RSBN1L: variants seen among roughly 807,000 people sequenced by gnomAD.
RSBN1L encodes lysine-specific demethylase RSBN1L.
In RSBN1L, 30 loss-of-function variants were observed where a neutral mutation model predicts 67.7. The ratio of observed to expected loss-of-function variants is 0.44; its 90% CI spans 0.33 to 0.60. The LOEUF is 0.60. RSBN1L is among the 20% of genes least tolerant of loss of function. The pLI, the probability that RSBN1L is intolerant of heterozygous loss-of-function variation, is 0.02. For synonymous variants in RSBN1L, 433 were observed against 387.0 expected (o/e 1.12, Z -1.39); for missense variants, 992 against 1,031.7 (o/e 0.96, Z 0.53).
At chr7:77,777,594 T>C (rs1266690667) in intron 6 of RSBN1L, among the ~76,000 whole-genome samples, 1 of 152,064 alleles carries the variant, frequency 6.6e-6, no homozygotes, top group Non-Finnish European at 1.5e-5. Context: ...CTATGGTCAG[T>C]CTTATCCTTC....
In RSBN1L at chr7:77,782,492, A is replaced by T. The variant is rs1792012102; in HGVS notation, c.*3324A>T. 6.6e-6 allele frequency: 1 copy of T among 152,222 alleles called. No homozygotes were observed. The highest frequency in any genetic ancestry group is 1.5e-5 in the Non-Finnish European group (1 of 68,038). 9.4% of individuals were successfully genotyped at this position (152,222 alleles called of 1,614,324 possible). ...CTCAGGATAGCTGGTTAGCTAGCAA[A>T]AGAATTAACATTTGTGATATTTACT... On this transcript the variant is annotated 3_prime_UTR_variant, in exon 8 of 8. Transcript: ENST00000334955.
At chr7:77,742,076 T>C (rs1321326412) in intron 2 of RSBN1L, among the ~76,000 whole-genome samples, 3 of 151,384 alleles carry the variant, frequency 2.0e-5, no homozygotes, top group Non-Finnish European at 2.9e-5. Context: ...ACAGCTCTTA[T>C]CCCAGCATTT....
At chr7:77,703,789 A>G (rs1175616816) in intron 1 of RSBN1L, among the ~76,000 whole-genome samples, 3 of 151,524 alleles carry the variant, frequency 2.0e-5, no homozygotes, top group African/African-American at 7.3e-5. Flanking sequence ...CGCTCGGCCT[A>G]TTTGGGTATA....
intron 1 of RSBN1L, among the ~76,000 whole-genome samples, chr7:77,702,271 T>C (rs1029078134): frequency 1.3e-5 from 2 of 152,348 alleles, no homozygotes; most frequent in South Asian, 4.1e-4. Flanking sequence ...TGGAAAAGTT[T>C]AAGCCTTTAA....
Position 77,696,631 on chromosome 7 carries a change from G to A in RSBN1L, c.162G>A (p.Arg54=). 1 of 1,614,016 alleles carries A rather than the reference G, an allele frequency of 6.2e-7. No homozygotes were observed. The highest frequency in any genetic ancestry group is 1.1e-5 in the South Asian group (1 of 91,090). The change falls in exon 1 of 8, where the codon CGG becomes CGA. Residue 54 remains arginine, a synonymous_variant. Coordinates refer to ENST00000334955, the MANE Select transcript of RSBN1L (RefSeq NM_198467.3). ...GGACTGAGGAGAAGAAGGCACCGCG[G>A]AGAGTGAACGGAGAAGGGGGCAGCG... ...KVRTEEKKAP[R]RVNGEGGSGG...
At chr7:77,767,056 C>T (rs1230752601) in intron 4 of RSBN1L, among the ~76,000 whole-genome samples, 1 of 143,054 alleles carries the variant, frequency 7.0e-6, no homozygotes, top group Non-Finnish European at 1.5e-5. Flanking sequence ...TCCCCTTCCC[C>T]TTCCCTTTCC....
intron 1 of RSBN1L, 72 bp downstream of exon 1, chr7:77,697,127 CG>C (rs1477986010): frequency 1.6e-6 from 2 of 1,283,702 alleles, no homozygotes; most frequent in Non-Finnish European, 2.0e-6. Flanking sequence ...CCACGGGGCC[CG>C]GGAAGGGGGA....
chr7:77,730,354 C>T (rs995191339), intron 1 of RSBN1L, among the ~76,000 whole-genome samples: 1 of 152,186 alleles, frequency 6.6e-6, no homozygotes, highest in Non-Finnish European at 1.5e-5. Flanking sequence ...TTAACATCCC[C>T]TATCAGAGTG....
At chr7:77,712,356 C>T (rs1034506274) in intron 1 of RSBN1L, among the ~76,000 whole-genome samples, 3 of 151,310 alleles carry the variant, frequency 2.0e-5, no homozygotes, top group Non-Finnish European at 4.4e-5. Flanking sequence ...AGTCTCGGCT[C>T]ACTGCAACCT....
chr7:77,698,538 A>G (rs1310324909), intron 1 of RSBN1L, among the ~76,000 whole-genome samples: 4 of 152,374 alleles, frequency 2.6e-5, no homozygotes, highest in African/African-American at 9.6e-5. Context: ...ATATTTGAGA[A>G]GAAATAAGTA....
chr7:77,744,344 G>A (rs114314087), intron 2 of RSBN1L, among the ~76,000 whole-genome samples: 2,973 of 147,972 alleles, frequency 0.02, 36 homozygotes, highest in African/African-American at 0.028. Flanking sequence ...CCTACTGTTT[G>A]ACTTTTTTTT....
chr7:77,750,912 G>C (rs1791548702), intron 3 of RSBN1L, among the ~76,000 whole-genome samples: 1 of 152,224 alleles, frequency 6.6e-6, no homozygotes, highest in African/African-American at 2.4e-5. Flanking sequence ...AGAGAGAGGA[G>C]TAAGGTATTG....
Position 77,781,895 on chromosome 7 carries a change from G to T in RSBN1L, c.*2727G>T, listed in dbSNP as rs1278000895. 1 of 145,602 alleles carries T rather than the reference G, an allele frequency of 6.9e-6. No homozygotes were observed. Among genetic ancestry groups the T allele is most frequent in the Non-Finnish European group, 1.5e-5 (1 of 67,298 alleles). The allele number at this position is 145,602 out of a possible 1,614,324, so 9.0% of individuals were successfully genotyped here. ...AGCTACTTGGGAGGCTGAGGCAGGG[G>T]AATTGCTTGAACCCGGGAGGAGAAG... On this transcript the variant is annotated 3_prime_UTR_variant, in exon 8 of 8. Transcript: ENST00000334955.
Position 77,779,031 on chromosome 7 carries a change from A to G in RSBN1L, c.2404A>G (p.Met802Val), listed in dbSNP as rs753205794. The change falls in exon 8 of 8, where the codon ATG (methionine) becomes GTG (valine). Residue 802 changes from methionine to valine, a missense_variant. Transcript: ENST00000334955. ...TCAATTTGCAGAATTTAAGATTGAC[A>G]TGGATTCTAAATTTGAAAATAGCAA... ...HVQFAEFKID[M>V]DSKFENSNKD... 2.5e-6 allele frequency: 4 copies of G among 1,613,972 alleles called. No homozygotes were observed. The highest frequency in any genetic ancestry group is 2.7e-5 in the African/African-American group (2 of 74,938).
chr7:77,736,319 A>T (rs892849533), intron 1 of RSBN1L, 91 bp from the exon 2 acceptor site: 20 of 527,034 alleles, frequency 3.8e-5, no homozygotes, highest in Admixed American at 1.0e-4. Context: ...TTCTTTGTGT[A>T]TTGTAATTCC....
At chr7:77,738,728 A>T (rs562381179) in intron 2 of RSBN1L, among the ~76,000 whole-genome samples, 1 of 152,106 alleles carries the variant, frequency 6.6e-6, no homozygotes, top group East Asian at 1.9e-4. Flanking sequence ...CAGGTGGATC[A>T]CCTGAGGTCA....
At chr7:77,725,243 A>AAT (rs1554338354) in intron 1 of RSBN1L, among the ~76,000 whole-genome samples, 6 of 57,916 alleles carry the variant, frequency 1.0e-4, no homozygotes, top group African/African-American at 3.5e-4. Flanking sequence ...TAAGCCCCCC[A>AAT]CTTTTTTTTT....
intron 1 of RSBN1L, among the ~76,000 whole-genome samples, chr7:77,710,284 A>T (rs1010113079): frequency 6.6e-6 from 1 of 152,184 alleles, no homozygotes; most frequent in Non-Finnish European, 1.5e-5. Context: ...TCTCATCTAA[A>T]TGCATGTCTA....
At chr7:77,728,039 G>GT (rs1791229501) in intron 1 of RSBN1L, among the ~76,000 whole-genome samples, 1 of 152,082 alleles carries the variant, frequency 6.6e-6, no homozygotes, top group African/African-American at 2.4e-5. Flanking sequence ...TGGAGGTCTT[G>GT]TTTTTAAGAG....
Sources: gnomAD v4.1 joint callset for allele counts (sites outside exome capture counted in the v4.1 genomes callset) on GRCh38, gnomAD v4.1.1 for gene constraint, MANE v1.5 for transcripts, NCBI Gene and HGNC (gene_info 2026-07-23, HGNC 2026-07-21) for gene names.